ENTHD1: variants seen among roughly 807,000 people sequenced by gnomAD.
The protein encoded by ENTHD1 is ENTH domain-containing protein 1.
Under a neutral mutation model 39.1 loss-of-function variants are expected in ENTHD1, and 23 were observed. The observed-to-expected ratio is 0.59, with a 90% confidence interval of 0.42 to 0.83. The LOEUF (loss-of-function observed/expected upper bound fraction) is 0.83. Ranked by LOEUF, ENTHD1 falls within the 40% of genes least tolerant of loss-of-function variation. The pLI is 0.00. For missense variants in ENTHD1, 624 were observed against 705.4 expected, an observed-to-expected ratio of 0.88 and a Z score of 1.31; for synonymous variants, 230 against 258.2, an observed-to-expected ratio of 0.89 and a Z score of 1.05.
chr22:39,794,775 G>A (rs1238949124), intron 5 of ENTHD1, among the ~76,000 whole-genome samples: 1 of 150,464 alleles, frequency 6.6e-6, no homozygotes, highest in East Asian at 1.9e-4. Context: ...CTGCACTCCA[G>A]CCTGGGCAAC....
At chr22:39,748,414 A>G (rs1372229905) in intron 6 of ENTHD1, among the ~76,000 whole-genome samples, 1 of 151,496 alleles carries the variant, frequency 6.6e-6, no homozygotes, top group African/African-American at 2.4e-5. Context: ...AAATATTAAT[A>G]TCATTTTCTT....
chr22:39,826,174 G>A (rs966501353), intron 4 of ENTHD1, among the ~76,000 whole-genome samples: 3 of 152,104 alleles, frequency 2.0e-5, no homozygotes, highest in South Asian at 4.1e-4. Context: ...TGCCTGGCCC[G>A]TAAGTATAAA....
At chr22:39,811,808 T>C (rs1031405512) in intron 5 of ENTHD1, among the ~76,000 whole-genome samples, 1 of 151,710 alleles carries the variant, frequency 6.6e-6, no homozygotes, top group Non-Finnish European at 1.5e-5. Context: ...TGCAACCCCG[T>C]CTCTACTAAA....
At position 39,880,711 on chromosome 22, in the gene ENTHD1, T is replaced by G. The variant is rs376109432; in HGVS notation, c.349+6689A>C. Among the ~76,000 whole-genome samples the G allele has an allele frequency of 1.2e-4, 19 of 152,322 alleles. No homozygotes were observed. In the South Asian group the frequency reaches 3.7e-3, roughly 30 times the overall value. On this transcript the variant is annotated intron_variant, in intron 2 of 6. Transcript: ENST00000325157. Reference sequence around the variant, plus strand: ...ACATTTCTGAATTCTTGTCCCAGGATAGTGATCAGTATTAGTTCAGTCTCA... The same window carrying G: ...ACATTTCTGAATTCTTGTCCCAGGAGAGTGATCAGTATTAGTTCAGTCTCA...
At chr22:39,879,283 A>T (rs2066315482) in intron 2 of ENTHD1, among the ~76,000 whole-genome samples, 1 of 151,536 alleles carries the variant, frequency 6.6e-6, no homozygotes, top group Non-Finnish European at 1.5e-5. Flanking sequence ...TAACATGGTG[A>T]AACCCCATCT....
chr22:39,839,127 C>A (rs1203534099), intron 3 of ENTHD1, among the ~76,000 whole-genome samples: 1 of 151,648 alleles, frequency 6.6e-6, no homozygotes, highest in Non-Finnish European at 1.5e-5. Flanking sequence ...CTTCATATAT[C>A]AACTCAAAAA....
At chr22:39,769,224 T>C (rs763892043) in intron 5 of ENTHD1, among the ~76,000 whole-genome samples, 2 of 152,198 alleles carry the variant, frequency 1.3e-5, no homozygotes, top group Non-Finnish European at 2.9e-5. Flanking sequence ...AACATGAATA[T>C]ATTTGCTCAG....
intron 4 of ENTHD1, among the ~76,000 whole-genome samples, chr22:39,831,599 C>T (rs894131365): frequency 9.9e-5 from 15 of 151,600 alleles, no homozygotes; most frequent in African/African-American, 2.9e-4. Flanking sequence ...CCAAGGCGGG[C>T]GGATCACCTG....
intron 5 of ENTHD1, among the ~76,000 whole-genome samples, chr22:39,808,307 T>G (rs952379660): frequency 3.9e-5 from 6 of 152,158 alleles, no homozygotes; most frequent in Admixed American, 2.0e-4. Flanking sequence ...CTCCCTATCC[T>G]GATACCTCAT....
chr22:39,861,294 C>T (rs1373436258), intron 3 of ENTHD1, among the ~76,000 whole-genome samples: 1 of 152,202 alleles, frequency 6.6e-6, no homozygotes, highest in African/African-American at 2.4e-5. Context: ...AATCCCAGCA[C>T]TTTCGGAGGC....
rs139795818 is a variant in ENTHD1 at position 39,798,112 on chromosome 22, G to C, written c.832+22881C>G. Among the ~76,000 whole-genome samples the C allele has an allele frequency of 7.2e-3, 1,092 of 152,072 alleles. 3 individuals carry two copies. The highest frequency in any genetic ancestry group is 0.012 in the Non-Finnish European group (820 of 67,960). ...GTGTTCCATATGACACATAGGTTTTGTTTGTTCTTTTTAAAAATTCTTTAT... is the reference window on the plus strand; with the variant it reads ...GTGTTCCATATGACACATAGGTTTTCTTTGTTCTTTTTAAAAATTCTTTAT... On this transcript the variant is annotated intron_variant, in intron 5 of 6. Coordinates refer to ENST00000325157, the MANE Select transcript of ENTHD1 (RefSeq NM_152512.4).
At chr22:39,869,377 C>A (rs1256142569) in intron 2 of ENTHD1, among the ~76,000 whole-genome samples, 1 of 152,158 alleles carries the variant, frequency 6.6e-6, no homozygotes, top group Non-Finnish European at 1.5e-5. Context: ...AAACCAAATA[C>A]TGGATGTTCT....
At chr22:39,793,355 T>G (rs1161661648) in intron 5 of ENTHD1, among the ~76,000 whole-genome samples, 1 of 151,228 alleles carries the variant, frequency 6.6e-6, no homozygotes, top group Non-Finnish European at 1.5e-5. Context: ...TTTTTTTTTT[T>G]GCTGTTGTTT....
chr22:39,836,411 T>C (rs1012209150), intron 3 of ENTHD1, among the ~76,000 whole-genome samples: 1 of 152,076 alleles, frequency 6.6e-6, no homozygotes. Flanking sequence ...AAAAATAAGG[T>C]TTAATGTAGT....
chr22:39,864,699 C>T (rs2066170288), intron 2 of ENTHD1, among the ~76,000 whole-genome samples: 1 of 152,056 alleles, frequency 6.6e-6, no homozygotes, highest in South Asian at 2.1e-4. Context: ...TGAGACCAGC[C>T]TGGGCAACAT....
intron 5 of ENTHD1, among the ~76,000 whole-genome samples, chr22:39,792,974 G>T (rs1216142784): frequency 2.0e-5 from 3 of 152,120 alleles, no homozygotes; most frequent in Non-Finnish European, 2.9e-5. Context: ...GGATCATATA[G>T]TAGGCCTATT....
intron 5 of ENTHD1, among the ~76,000 whole-genome samples, chr22:39,794,268 T>C (rs986914975): frequency 6.6e-6 from 1 of 152,160 alleles, no homozygotes; most frequent in African/African-American, 2.4e-5. Context: ...TATTTCATTA[T>C]TGGTGTATAG....
intron 5 of ENTHD1, among the ~76,000 whole-genome samples, chr22:39,784,381 C>A (rs2065436739): frequency 6.6e-6 from 1 of 152,064 alleles, no homozygotes; most frequent in East Asian, 1.9e-4. Context: ...TATGATCCAG[C>A]AATTCTACTA....
At chr22:39,798,920 G>T (rs1396292680) in intron 5 of ENTHD1, among the ~76,000 whole-genome samples, 1 of 152,202 alleles carries the variant, frequency 6.6e-6, no homozygotes, top group Non-Finnish European at 1.5e-5. Context: ...GCATGTGCTG[G>T]CTGTGGTGAT....
Sources: gnomAD v4.1 joint callset for allele counts (sites outside exome capture counted in the v4.1 genomes callset) on GRCh38, gnomAD v4.1.1 for gene constraint, MANE v1.5 for transcripts, NCBI Gene and HGNC (gene_info 2026-07-23, HGNC 2026-07-21) for gene names.